The following PCDH15 variants were observed in gnomAD, a reference collection of about 807,000 sequenced individuals.
PCDH15 encodes the protein protocadherin related 15, also known as protocadherin-15.
PCDH15 carries 129 observed loss-of-function variants against 178.5 expected under a neutral mutation model. The observed-to-expected ratio is 0.72, with a 90% CI of 0.63 to 0.84. The LOEUF is 0.84. Among genes scored for constraint, PCDH15 ranks in the 40% least tolerant of loss-of-function variants. PCDH15 has a pLI of 0.00. For synonymous variants in PCDH15, 800 were observed against 732.0 expected, an observed-to-expected ratio of 1.09 and a Z score of -1.50; for missense variants, 2,230 against 2,099.9, an observed-to-expected ratio of 1.06 and a Z score of -1.21.
At chr10:55,128,603 C>T (rs1031005553) in intron 2 of PCDH15, among the ~76,000 whole-genome samples, 2 of 151,976 alleles carry the variant, frequency 1.3e-5, no homozygotes, top group African/African-American at 4.8e-5. Flanking sequence ...TATTTTTCTT[C>T]CTTTGGTAAA....
chr10:55,167,088 A>T (rs1225085912), intron 1 of PCDH15, among the ~76,000 whole-genome samples: 1 of 152,068 alleles, frequency 6.6e-6, no homozygotes, highest in Non-Finnish European at 1.5e-5. Flanking sequence ...ATATAGATTG[A>T]AAGTTACTTT....
At chr10:54,247,935 A>AATATAT (rs147562225) in intron 8 of PCDH15, among the ~76,000 whole-genome samples, 1,560 of 139,338 alleles carry the variant, frequency 0.011, 22 homozygotes, top group African/African-American at 0.031. Flanking sequence ...TGCATGAAAG[A>AATATAT]ATATATATAT....
At chr10:54,438,725 T>C (rs1451881148) in intron 3 of PCDH15, among the ~76,000 whole-genome samples, 1 of 152,104 alleles carries the variant, frequency 6.6e-6, no homozygotes, top group Non-Finnish European at 1.5e-5. Context: ...GGTGCAATGC[T>C]GAGTGCCAGC....
At chr10:54,720,174 C>T (rs2132489604) in intron 1 of PCDH15, among the ~76,000 whole-genome samples, 1 of 152,070 alleles carries the variant, frequency 6.6e-6, no homozygotes, top group South Asian at 2.1e-4. Flanking sequence ...TGCCATTTGA[C>T]CAAGTAATCC....
chr10:55,287,677 G>A (rs1372239775), intron 1 of PCDH15, among the ~76,000 whole-genome samples: 1 of 151,974 alleles, frequency 6.6e-6, no homozygotes, highest in Non-Finnish European at 1.5e-5. Context: ...CTTGTGTAGT[G>A]TGTGTGTATG....
At chr10:55,108,563 G>C (rs573723910) in intron 2 of PCDH15, among the ~76,000 whole-genome samples, 1 of 151,950 alleles carries the variant, frequency 6.6e-6, no homozygotes, top group African/African-American at 2.4e-5. Flanking sequence ...GTGTGATTAG[G>C]TATGATTTTT....
intron 2 of PCDH15, among the ~76,000 whole-genome samples, chr10:55,133,269 G>A (rs1838103075): frequency 1.3e-5 from 2 of 152,132 alleles, no homozygotes; most frequent in Non-Finnish European, 2.9e-5. Context: ...TAAATCCAAT[G>A]AGAAGTTCCC....
intron 3 of PCDH15, among the ~76,000 whole-genome samples, chr10:54,383,664 T>TGTGTGTG (rs71007843): frequency 6.7e-5 from 10 of 150,078 alleles, no homozygotes; most frequent in South Asian, 4.2e-4. Flanking sequence ...TGTGTGTGTG[T>TGTGTGTG]TTCAACATAA....
intron 1 of PCDH15, among the ~76,000 whole-genome samples, chr10:55,271,646 CAG>C (rs373296762): frequency 6.6e-6 from 1 of 152,156 alleles, no homozygotes; most frequent in Non-Finnish European, 1.5e-5. Context: ...CAGGATCAGA[CAG>C]ATTGAAGCAG....
chr10:54,726,945 TGAAA>T (rs966333725), intron 1 of PCDH15, among the ~76,000 whole-genome samples: 5 of 151,338 alleles, frequency 3.3e-5, no homozygotes, highest in Non-Finnish European at 7.4e-5. Context: ...TTTGCATCTC[TGAAA>T]GAAAGAGAGA....
chr10:55,204,914 A>G (rs1264430919), intron 1 of PCDH15, among the ~76,000 whole-genome samples: 1 of 152,106 alleles, frequency 6.6e-6, no homozygotes, highest in African/African-American at 2.4e-5. Flanking sequence ...TATTTTTTCA[A>G]ATAACAATGC....
intron 18 of PCDH15, among the ~76,000 whole-genome samples, chr10:54,063,312 T>C (rs1306382683): frequency 6.6e-6 from 1 of 152,224 alleles, no homozygotes; most frequent in Admixed American, 6.5e-5. Context: ...TCTGTGCCTT[T>C]ACTTATACAA....
intron 21 of PCDH15, among the ~76,000 whole-genome samples, chr10:53,986,653 A>G (rs1255383203): frequency 6.6e-6 from 1 of 152,226 alleles, no homozygotes; most frequent in African/African-American, 2.4e-5. Flanking sequence ...CTTTAAAAAG[A>G]AGGAAGTACT....
chr10:54,475,441 T>C (rs1475673198), intron 3 of PCDH15, among the ~76,000 whole-genome samples: 3 of 152,008 alleles, frequency 2.0e-5, no homozygotes, highest in Non-Finnish European at 2.9e-5. Context: ...CCGATTACAA[T>C]TCTTACTTGC....
At chr10:55,556,466 A>G (rs564421227) in intron 2 of PCDH15, among the ~76,000 whole-genome samples, 25 of 152,110 alleles carry the variant, frequency 1.6e-4, no homozygotes, top group African/African-American at 6.0e-4. Context: ...TTCTGATACT[A>G]TATGCTTTTC....
At position 55,190,307 on chromosome 10, in the gene PCDH15, T is replaced by A. The variant is rs1239363502; in HGVS notation, c.-155-23656A>T. Among the ~76,000 whole-genome samples the A allele has an allele frequency of 8.6e-5, 13 of 151,064 alleles. No individual in the cohort carries two copies. In the East Asian group the frequency reaches 1.7e-3, roughly 20 times the overall value. ...TGTCATAGAAACTTTAATATATTGA[T>A]CCCAGTAGTGTTTATTGGAGTGCAC... On this transcript the variant is annotated intron_variant, in intron 1 of 5. Coordinates refer to the PCDH15 transcript ENST00000458638.
intron 3 of PCDH15, among the ~76,000 whole-genome samples, chr10:54,392,777 T>TAGTCTC (rs1950716153): frequency 6.6e-6 from 1 of 151,334 alleles, no homozygotes; most frequent in African/African-American, 2.4e-5. Flanking sequence ...TGCGTTCCTG[T>TAGTCTC]AGTCTCAGAT....
At chr10:54,994,678 CAT>C (rs1301931880) in intron 2 of PCDH15, among the ~76,000 whole-genome samples, 4 of 152,012 alleles carry the variant, frequency 2.6e-5, no homozygotes, top group Admixed American at 6.5e-5. Context: ...ATTTATAAAA[CAT>C]ATGTGTATAT....
chr10:54,302,160 A>T (rs1348610125), intron 8 of PCDH15, among the ~76,000 whole-genome samples: 4 of 152,156 alleles, frequency 2.6e-5, no homozygotes, highest in African/African-American at 7.2e-5. Flanking sequence ...TTATTTCAAG[A>T]TGATATTTAC....
Sources: gnomAD v4.1 joint callset for allele counts (sites outside exome capture counted in the v4.1 genomes callset) on GRCh38, gnomAD v4.1.1 for gene constraint, MANE v1.5 for transcripts, NCBI Gene and HGNC (gene_info 2026-07-23, HGNC 2026-07-21) for gene names.